MEGF6: variants seen among roughly 807,000 people sequenced by gnomAD.
MEGF6 encodes multiple EGF like domains 6, also known as multiple epidermal growth factor-like domains protein 6.
MEGF6 carries 184 observed loss-of-function variants against 207.1 expected under a neutral mutation model. That is an observed-to-expected ratio of 0.89 (90% CI 0.79 to 1.00). The LOEUF is 1.00. MEGF6 is among the 50% of genes least tolerant of loss of function. The pLI is 0.00. For missense variants in MEGF6, 2,282 were observed against 2,202.9 expected, an observed-to-expected ratio of 1.04 and a Z score of -0.72; for synonymous variants, 1,038 against 910.0, an observed-to-expected ratio of 1.14 and a Z score of -2.53.
chr1:3,547,440 C>A (rs1557767700), intron 4 of MEGF6, among the ~76,000 whole-genome samples: 1 of 152,192 alleles, frequency 6.6e-6, no homozygotes, highest in Non-Finnish European at 1.5e-5. Context: ...AAAGCAGCCA[C>A]ACCCTTTTTG....
At chr1:3,490,806 T>G in intron 36 of MEGF6, 106 bp downstream of exon 36, 2 of 1,398,716 alleles carry the variant, frequency 1.4e-6, no homozygotes, top group Non-Finnish European at 2.0e-6. Flanking sequence ...AGGCCCCGGG[T>G]GCAGCTGCTG....
chr1:3,504,474 G>A (rs989477473), intron 17 of MEGF6, among the ~76,000 whole-genome samples: 3 of 151,882 alleles, frequency 2.0e-5, no homozygotes, highest in South Asian at 2.1e-4. Flanking sequence ...ACCACACACC[G>A]TTGTCCTGGT....
intron 1 of MEGF6, among the ~76,000 whole-genome samples, chr1:3,608,820 G>A (rs1474792483): frequency 6.6e-6 from 1 of 152,186 alleles, no homozygotes; most frequent in African/African-American, 2.4e-5. Flanking sequence ...GAGGCCCCAG[G>A]AAGGAGGCCA....
At chr1:3,515,639 C>T (rs1018502521) in intron 5 of MEGF6, 112 bp from the exon 6 acceptor site, 81 of 1,302,420 alleles carry the variant, frequency 6.2e-5, no homozygotes, top group South Asian at 2.6e-4. Flanking sequence ...TGCTGTAGGA[C>T]CCCTCCCAGC....
rs973745160 is a variant in MEGF6, at chr1:3,586,972, G to A, written c.377-7043C>T. 4.9e-4 allele frequency among the ~76,000 whole-genome samples: 74 copies of A among 152,332 alleles called. 1 individual carries two copies. Among genetic ancestry groups the A allele is most frequent in the African/African-American group, 1.7e-3 (69 of 41,572 alleles). On this transcript the variant is annotated intron_variant, in intron 3 of 36. Coordinates refer to ENST00000356575, the MANE Select transcript of MEGF6 (RefSeq NM_001409.4). ...GTGTCCAGCAGCCTGGACCCCCATC[G>A]ATTCTGCCAACCCCACCTGTGTGCA...
Position 3,557,815 on chromosome 1 carries a change from C to T in MEGF6, c.481+22010G>A, listed in dbSNP as rs61434115. ...GAAGAAGCGGCCCGTGGGCAGACGT[C>T]GTTTGCACAGGCTCAGGGAAAACCG... On this transcript the variant is annotated intron_variant, in intron 4 of 36. Transcript: ENST00000356575. 7.2e-4 allele frequency among the ~76,000 whole-genome samples: 109 copies of T among 152,328 alleles called. 1 individual carries two copies. In the East Asian group the frequency reaches 0.014, roughly 20 times the overall value.
rs371985157 is a variant in MEGF6, at chr1:3,515,418, G to A, written c.714C>T (p.Asp238=). Residue 238 remains aspartate (D), a synonymous_variant, in exon 6 of 37, where the codon GAC becomes GAT. Transcript: ENST00000356575. ...AGCACTCACGGACACAATGCCTGCC[G>A]TCCTCCTGGAGCTGGAACCCGGGCC... The part of the protein sequence containing the change: ...QCRPGFQLQE[D]GRHCVRRSPC... The A allele has an allele frequency of 5.5e-5, 88 of 1,611,948 alleles. 1 individual carries two copies. Among genetic ancestry groups the A allele is most frequent in the Non-Finnish European group, 6.3e-5 (74 of 1,179,692 alleles).
At chr1:3,528,390 C>A (rs978949041) in intron 4 of MEGF6, among the ~76,000 whole-genome samples, 1 of 152,242 alleles carries the variant, frequency 6.6e-6, no homozygotes, top group Non-Finnish European at 1.5e-5. Flanking sequence ...GAGCCGGTGA[C>A]CCTGGCTGCG....
At chr1:3,514,767 G>C in intron 6 of MEGF6, 95 bp from the exon 7 acceptor site, 1 of 1,346,412 alleles carries the variant, frequency 7.4e-7, no homozygotes, top group Non-Finnish European at 9.9e-7. Flanking sequence ...CCCTCACCCA[G>C]TGCTCTCCCC....
At chr1:3,603,609 G>A (rs1034839315) in intron 1 of MEGF6, among the ~76,000 whole-genome samples, 1 of 152,242 alleles carries the variant, frequency 6.6e-6, no homozygotes, top group Non-Finnish European at 1.5e-5. Context: ...GGTGCAGCAA[G>A]CCTGGCAGAT....
intron 4 of MEGF6, among the ~76,000 whole-genome samples, chr1:3,545,093 C>T (rs979482565): frequency 1.3e-5 from 2 of 152,146 alleles, no homozygotes; most frequent in Non-Finnish European, 2.9e-5. Flanking sequence ...CACACAGGCC[C>T]CCACCCCATC....
chr1:3,566,810 A>G (rs536248836), intron 4 of MEGF6, among the ~76,000 whole-genome samples: 22 of 152,314 alleles, frequency 1.4e-4, no homozygotes, highest in African/African-American at 5.3e-4. Flanking sequence ...CCTCGGTGCT[A>G]CAAAGCGATG....
At chr1:3,496,955 C>G (rs1640632695) in intron 28 of MEGF6, 33 bp downstream of exon 28, 1 of 1,544,706 alleles carries the variant, frequency 6.5e-7, no homozygotes, top group Admixed American at 2.0e-5. Context: ...GGCAGCACTG[C>G]CGAGTCCCTG....
intron 36 of MEGF6, 127 bp from the exon 37 acceptor site, chr1:3,490,716 G>A (rs1640319693): frequency 3.4e-6 from 4 of 1,162,738 alleles, no homozygotes; most frequent in African/African-American, 1.5e-5. Flanking sequence ...AGGTGGGTGG[G>A]GCCCACCCAT....
At chr1:3,542,475 C>G (rs1642561163) in intron 4 of MEGF6, among the ~76,000 whole-genome samples, 1 of 152,134 alleles carries the variant, frequency 6.6e-6, no homozygotes, top group Non-Finnish European at 1.5e-5. Context: ...TCCTGGCCGC[C>G]CCCCACTCAG....
In MEGF6 at chr1:3,553,577, T is replaced by C. The variant is rs376991818; in HGVS notation, c.481+26248A>G. 4.7e-3 allele frequency among the ~76,000 whole-genome samples: 723 copies of C among 152,270 alleles called. 13 individuals carry two copies. The South Asian group carries it at 0.058, about 12-fold the overall frequency. ...AGTCCGCCCACTGGGCCTCAGGCTA[T>C]GGCAGGAGCAGGATTTACGAGGCCC... On this transcript the variant is annotated intron_variant, in intron 4 of 36. Coordinates refer to ENST00000356575, the MANE Select transcript of MEGF6 (RefSeq NM_001409.4).
At chr1:3,506,258 G>T in intron 14 of MEGF6, 22 bp from the exon 15 acceptor site, 2 of 1,603,916 alleles carry the variant, frequency 1.2e-6, no homozygotes, top group Non-Finnish European at 1.7e-6. Context: ...GGGGCTCCAT[G>T]TGAACCTTGG....
At chr1:3,544,224 A>G (rs1399916143) in intron 4 of MEGF6, among the ~76,000 whole-genome samples, 1 of 150,686 alleles carries the variant, frequency 6.6e-6, no homozygotes, top group East Asian at 2.0e-4. Context: ...GCATCAGGCT[A>G]ACCCTCTCCC....
intron 3 of MEGF6, among the ~76,000 whole-genome samples, chr1:3,588,620 G>T (rs1400408044): frequency 6.6e-6 from 1 of 151,938 alleles, no homozygotes; most frequent in African/African-American, 2.4e-5. Flanking sequence ...TCCTCCCTGG[G>T]CCGTGGGTGC....
Sources: allele counts gnomAD v4.1 joint callset (sites outside exome capture counted in the v4.1 genomes callset), GRCh38; gene constraint gnomAD v4.1.1; transcripts MANE v1.5; gene names NCBI Gene and HGNC (gene_info 2026-07-23, HGNC 2026-07-21).